The following ST7 variants were observed in gnomAD, a reference collection of about 807,000 sequenced individuals.
ST7 encodes suppressor of tumorigenicity 7 protein.
Under a neutral mutation model 78.7 loss-of-function variants are expected in ST7, and 28 were observed. The observed-to-expected ratio is 0.36, with a 90% CI of 0.26 to 0.49. The LOEUF is 0.49. ST7 is among the 20% of genes least tolerant of loss of function. ST7 has a pLI of 0.99. For synonymous variants in ST7, 247 were observed against 249.6 expected (o/e 0.99, Z 0.10); for missense variants, 418 against 696.0 (o/e 0.60, Z 4.49).
intron 12 of ST7, among the ~76,000 whole-genome samples, chr7:117,203,928 G>A (rs1811097057): frequency 6.6e-6 from 1 of 152,156 alleles, no homozygotes; most frequent in Non-Finnish European, 1.5e-5. Flanking sequence ...GATACACTGT[G>A]GGCCTTCGCA....
Position 117,097,908 on chromosome 7 carries a change from ATTTTTTTT to A in ST7, c.152-1841_152-1834del, listed in dbSNP as rs751549285. ...TATATATATATATATATATATATAT[ATTTTTTTT>A]TTTTTTTTTTTTGATGGCCAGGCAA... On this transcript the variant is annotated intron_variant, in intron 1 of 15. Transcript: ENST00000323984. 2.7e-3 allele frequency among the ~76,000 whole-genome samples: 80 copies of A among 30,008 alleles called. 2 individuals carry two copies. Among genetic ancestry groups the A allele is most frequent in the African/African-American group, 9.7e-3 (61 of 6,264 alleles). 19.7% of individuals were successfully genotyped at this position (30,008 alleles called of 152,430 possible).
chr7:117,060,774 G>A (rs1563050746), intron 1 of ST7, among the ~76,000 whole-genome samples: 1 of 152,160 alleles, frequency 6.6e-6, no homozygotes, highest in African/African-American at 2.4e-5. Context: ...GGGAGGCTGA[G>A]GTGGATGGAT....
In ST7 at chr7:117,219,064, A is replaced by C. The variant is rs200893936; in HGVS notation, c.1406-20A>C. ...GACACAAACATTGGACATCTCTGAC[A>C]TATTTTTTCTCGTTTTCAGCTTTTC... On this transcript the variant is annotated intron_variant, in intron 13 of 15. Coordinates refer to ENST00000323984, the MANE Select transcript of ST7 (RefSeq NM_001369598.1). This position sits in a 1 kb window ranked among gnomAD's most constrained non-coding sequence, Gnocchi z 5.1. The C allele has an allele frequency of 6.3e-7, 1 of 1,596,400 alleles. No homozygotes were observed. Among genetic ancestry groups the C allele is most frequent in the African/African-American group, 1.3e-5 (1 of 74,074 alleles).
intron 1 of ST7, among the ~76,000 whole-genome samples, chr7:116,968,134 C>A (rs1474369332): frequency 6.6e-6 from 1 of 152,138 alleles, no homozygotes; most frequent in Admixed American, 6.6e-5. Context: ...TTAATCATTT[C>A]TCAGATTTTG....
At chr7:117,119,116 C>T (rs1288130796) in intron 2 of ST7, among the ~76,000 whole-genome samples, 4 of 152,100 alleles carry the variant, frequency 2.6e-5, no homozygotes, top group African/African-American at 4.8e-5. Context: ...CCCGCCCCTA[C>T]CCCGATTTTG....
rs1165624971 is a variant in ST7 at position 117,191,025 on chromosome 7, A to G, written c.1254+89A>G. The G allele has an allele frequency of 4.7e-6, 5 of 1,060,808 alleles. No homozygotes were observed. In the African/African-American group the frequency reaches 6.3e-5, roughly 13 times the overall value. The allele number at this position is 1,060,808 out of a possible 1,614,324, so 65.7% of individuals were successfully genotyped here. A position where few individuals can be genotyped will look rare whatever the true frequency, so the allele number is the denominator to read the frequency against. On this transcript the variant is annotated intron_variant, in intron 12 of 15. Transcript: ENST00000323984. ...GTGTTGTATCTCAAGTACACCGCTTATAAAAAAATGAATTGCAACCAACAA... is the reference window on the plus strand; with the variant it reads ...GTGTTGTATCTCAAGTACACCGCTTGTAAAAAAATGAATTGCAACCAACAA...
At chr7:117,125,710 C>T (rs1246508228) in intron 3 of ST7, among the ~76,000 whole-genome samples, 2 of 151,938 alleles carry the variant, frequency 1.3e-5, no homozygotes, top group African/African-American at 4.8e-5. Context: ...ATAATACAAG[C>T]CAATGAAACT....
chr7:117,044,574 C>A (rs1797394763), intron 1 of ST7, among the ~76,000 whole-genome samples: 1 of 152,010 alleles, frequency 6.6e-6, no homozygotes, highest in Admixed American at 6.5e-5. Context: ...TGGTCTCGAA[C>A]TCTTGACCAC....
chr7:117,219,066 A>AT lies in ST7; in HGVS notation c.1406-12dup, dbSNP rs747242871. 1.3e-6 allele frequency: 2 copies of AT among 1,598,602 alleles called. No homozygotes were observed. The highest frequency in any genetic ancestry group is 1.4e-5 in the African/African-American group (1 of 73,984). ...CACAAACATTGGACATCTCTGACAT[A>AT]TTTTTTCTCGTTTTCAGCTTTTCGG... is the stretch of plus-strand genomic sequence containing the variant. On this transcript the variant is annotated splice_polypyrimidine_tract_variant and intron_variant, in intron 13 of 15. Coordinates refer to ENST00000323984, the MANE Select transcript of ST7 (RefSeq NM_001369598.1). The surrounding 1 kb of genome is among the most constrained non-coding windows in gnomAD (Gnocchi z 5.1).
At chr7:117,023,512 G>C (rs1401965673) in intron 1 of ST7, among the ~76,000 whole-genome samples, 2 of 152,140 alleles carry the variant, frequency 1.3e-5, no homozygotes. Flanking sequence ...GTGTTCTATA[G>C]TATGTGTAGA....
intron 9 of ST7, among the ~76,000 whole-genome samples, chr7:117,145,077 G>A (rs1176399103): frequency 2.0e-5 from 3 of 152,072 alleles, no homozygotes; most frequent in Admixed American, 6.5e-5. Context: ...GCACACGCCT[G>A]TGGTCCGTGG....
intron 9 of ST7, among the ~76,000 whole-genome samples, chr7:117,167,665 A>T (rs763852201): frequency 2.9e-4 from 44 of 152,106 alleles, no homozygotes; most frequent in Non-Finnish European, 2.6e-4. Context: ...GTTTAAGATA[A>T]GAGGATGTGG....
intron 1 of ST7, among the ~76,000 whole-genome samples, chr7:117,093,166 A>G (rs1327227674): frequency 1.3e-5 from 2 of 152,170 alleles, no homozygotes; most frequent in Non-Finnish European, 2.9e-5. Flanking sequence ...TACCCCAAGC[A>G]ACTAGAATCC....
At chr7:117,163,349 C>A (rs1165634329) in intron 9 of ST7, among the ~76,000 whole-genome samples, 3 of 152,112 alleles carry the variant, frequency 2.0e-5, no homozygotes, top group Non-Finnish European at 4.4e-5. Context: ...TTTGAAGAAC[C>A]TCTATACTGT....
intron 1 of ST7, among the ~76,000 whole-genome samples, chr7:117,097,908 A>ATATATATATTT: frequency 8.7e-4 from 26 of 30,006 alleles, no homozygotes; most frequent in African/African-American, 4.2e-3. Flanking sequence ...ATATATATAT[A>ATATATATATTT]TTTTTTTTTT....
intron 1 of ST7, chr7:116,972,845 C>T: frequency 8.6e-7 from 1 of 1,162,990 alleles, no homozygotes; most frequent in South Asian, 1.2e-5. Flanking sequence ...TCCTCTGCAT[C>T]ATCTGCCTGC....
chr7:117,047,616 G>A (rs1247340746), intron 1 of ST7, among the ~76,000 whole-genome samples: 1 of 152,146 alleles, frequency 6.6e-6, no homozygotes, highest in African/African-American at 2.4e-5. Flanking sequence ...TTCCTAGGCT[G>A]GCAATAATTA....
chr7:117,157,270 T>C (rs767685005), intron 9 of ST7, among the ~76,000 whole-genome samples: 10 of 152,132 alleles, frequency 6.6e-5, no homozygotes, highest in Non-Finnish European at 1.5e-4. Flanking sequence ...TCCTGCCTCA[T>C]AGACAAAAGT....
At chr7:117,216,642 G>T (rs555433631) in intron 13 of ST7, among the ~76,000 whole-genome samples, 1 of 152,110 alleles carries the variant, frequency 6.6e-6, no homozygotes, top group African/African-American at 2.4e-5. Context: ...TGCCTCTACC[G>T]GCCTCTCTCT....
Sources: allele counts gnomAD v4.1 joint callset (sites outside exome capture counted in the v4.1 genomes callset), GRCh38; gene constraint gnomAD v4.1.1; non-coding constraint Gnocchi (gnomAD v3.1); transcripts MANE v1.5; gene names NCBI Gene and HGNC (gene_info 2026-07-23, HGNC 2026-07-21).